The following CSMD1 variants were observed in gnomAD, a reference collection of about 807,000 sequenced individuals.
The protein encoded by CSMD1 is CUB and sushi domain-containing protein 1.
A neutral mutation model predicts 417.5 loss-of-function variants in CSMD1; 213 were observed. That is an observed-to-expected ratio of 0.51 (90% CI 0.46 to 0.57). The LOEUF (loss-of-function observed/expected upper bound fraction) is 0.57, where lower values mean the gene tolerates loss of function less well. Ranked by LOEUF, CSMD1 falls within the 20% of genes least tolerant of loss-of-function variation. The pLI is 0.00. For synonymous variants in CSMD1, 2,862 were observed against 1,736.8 expected (o/e 1.65, Z -16.11); for missense variants, 6,923 against 4,529.7 (o/e 1.53, Z -15.17).
chr8:4,198,165 G>A (rs1227973249), intron 3 of CSMD1, among the ~76,000 whole-genome samples: 2 of 152,194 alleles, frequency 1.3e-5, no homozygotes, highest in Non-Finnish European at 2.9e-5. Context: ...CAGTCCCGAA[G>A]CATGATCAGG....
At chr8:4,696,977 G>A (rs1208891247) in intron 1 of CSMD1, among the ~76,000 whole-genome samples, 1 of 152,064 alleles carries the variant, frequency 6.6e-6, no homozygotes, top group African/African-American at 2.4e-5. Flanking sequence ...TTCAAGACCA[G>A]CCTGACGAAC....
intron 1 of CSMD1, among the ~76,000 whole-genome samples, chr8:4,929,647 C>G (rs1419627268): frequency 6.6e-6 from 1 of 152,172 alleles, no homozygotes; most frequent in African/African-American, 2.4e-5. Flanking sequence ...ATTCAATTAA[C>G]TGACACATCA....
intron 3 of CSMD1, among the ~76,000 whole-genome samples, chr8:4,166,650 A>G (rs1410233907): frequency 1.3e-5 from 2 of 152,166 alleles, no homozygotes; most frequent in South Asian, 2.1e-4. Context: ...CATATTGGGT[A>G]CCGTGTACAC....
rs1797108884 is a variant in CSMD1 at position 4,419,126 on chromosome 8, C to A, written c.415+827G>T. On this transcript the variant is annotated intron_variant, in intron 3 of 69. Coordinates refer to ENST00000635120, the MANE Select transcript of CSMD1 (RefSeq NM_033225.6). ...TTTGTGACTTAGTAGCAAATGACAT[C>A]CCAAGTAAACAGTGTGTGTTGTAAA... is the stretch of plus-strand genomic sequence containing the variant. 1.3e-5 allele frequency among the ~76,000 whole-genome samples: 2 copies of A among 152,224 alleles called. 1 individual carries two copies. Among genetic ancestry groups the A allele is most frequent in the Middle Eastern group, 6.8e-3 (2 of 294 alleles).
chr8:3,273,116 T>G (rs1383501307), intron 26 of CSMD1, among the ~76,000 whole-genome samples: 1 of 151,912 alleles, frequency 6.6e-6, no homozygotes, highest in African/African-American at 2.4e-5. Context: ...ATCAATACCT[T>G]ATTTATTGAG....
In CSMD1 at chr8:4,294,403, A is replaced by G. The variant is rs905008185; in HGVS notation, c.415+125550T>C. On this transcript the variant is annotated intron_variant, in intron 3 of 69. Transcript: ENST00000635120. ...AGATGTCACCGTTCTTTCTGATTGT[A>G]CTTGAATAGCTAATGTTTATCAGAC... 2.0e-5 allele frequency among the ~76,000 whole-genome samples: 3 copies of G among 152,180 alleles called. No homozygotes were observed. In the East Asian group the frequency reaches 5.8e-4, roughly 29 times the overall value.
At chr8:3,142,356 T>C in intron 41 of CSMD1, 109 bp downstream of exon 41, 2 of 962,148 alleles carry the variant, frequency 2.1e-6, no homozygotes, top group Admixed American at 2.3e-5. Context: ...CAAAAAATTA[T>C]TCCACTCGTA....
chr8:3,284,432 C>G (rs1802989319), intron 25 of CSMD1, 86 bp from the exon 26 acceptor site: 3 of 987,332 alleles, frequency 3.0e-6, no homozygotes. Context: ...GCTCATTTCG[C>G]TTTCACACAA....
At chr8:4,049,628 T>G (rs1798319420) in intron 3 of CSMD1, among the ~76,000 whole-genome samples, 2 of 152,136 alleles carry the variant, frequency 1.3e-5, no homozygotes, top group African/African-American at 4.8e-5. Context: ...GCTCTGTAAG[T>G]TGCATAAAAT....
intron 30 of CSMD1, among the ~76,000 whole-genome samples, chr8:3,211,913 G>C (rs1484063177): frequency 1.3e-5 from 2 of 152,336 alleles, no homozygotes; most frequent in African/African-American, 2.4e-5. Flanking sequence ...CTGGTGGCAA[G>C]ACAAGAGGGG....
At chr8:4,714,992 C>A (rs1387839585) in intron 1 of CSMD1, among the ~76,000 whole-genome samples, 2 of 152,290 alleles carry the variant, frequency 1.3e-5, no homozygotes, top group African/African-American at 4.8e-5. Context: ...TTTATGCTCA[C>A]AGATGGCAAT....
chr8:4,812,071 T>G (rs946011423), intron 1 of CSMD1, among the ~76,000 whole-genome samples: 2 of 152,194 alleles, frequency 1.3e-5, no homozygotes, highest in African/African-American at 4.8e-5. Context: ...AACTTTGGCT[T>G]TGACATCATC....
intron 3 of CSMD1, among the ~76,000 whole-genome samples, chr8:4,271,627 C>T (rs1490838185): frequency 6.6e-6 from 1 of 151,358 alleles, no homozygotes; most frequent in Non-Finnish European, 1.5e-5. Context: ...TTTGCAGCAG[C>T]TTTAAAGAAA....
chr8:3,785,961 G>A (rs1157126622), intron 5 of CSMD1, among the ~76,000 whole-genome samples: 1 of 152,194 alleles, frequency 6.6e-6, no homozygotes, highest in African/African-American at 2.4e-5. Context: ...TGGGTTAGAA[G>A]CTCTGCAGTT....
At chr8:3,680,857 A>T (rs1025607233) in intron 7 of CSMD1, among the ~76,000 whole-genome samples, 1 of 152,246 alleles carries the variant, frequency 6.6e-6, no homozygotes, top group Non-Finnish European at 1.5e-5. Context: ...AGTGGGCTTC[A>T]TCCCTGGGAT....
Position 3,488,205 on chromosome 8 carries a change from C to T in CSMD1, c.1448+5418G>A, listed in dbSNP as rs73499684. On this transcript the variant is annotated intron_variant, in intron 11 of 69. Coordinates refer to ENST00000635120, the MANE Select transcript of CSMD1 (RefSeq NM_033225.6). The stretch of plus-strand genomic sequence containing the variant: ...GCAGCCTTGATCTCCTGGGCACAAT[C>T]GACCCTTTCACCTTAGCCTCCTGAG... Among the ~76,000 whole-genome samples, 1,186 of 152,032 alleles carry T rather than the reference C, an allele frequency of 7.8e-3. 17 individuals carry two copies. Among genetic ancestry groups the T allele is most frequent in the African/African-American group, 0.028 (1,140 of 41,442 alleles).
chr8:4,908,095 T>C (rs28620428), intron 1 of CSMD1, among the ~76,000 whole-genome samples: 38,777 of 152,150 alleles, frequency 0.25, 5,528 homozygotes, highest in East Asian at 0.52. Flanking sequence ...GGAAGTCGTC[T>C]ATGTCCTTCA....
At chr8:3,784,887 T>G (rs886840981) in intron 5 of CSMD1, among the ~76,000 whole-genome samples, 2 of 152,222 alleles carry the variant, frequency 1.3e-5, no homozygotes, top group Non-Finnish European at 2.9e-5. Flanking sequence ...TGCTTAAAAT[T>G]GTACTTTACA....
chr8:3,611,073 G>A (rs1584958375), intron 8 of CSMD1, among the ~76,000 whole-genome samples: 1 of 112,600 alleles, frequency 8.9e-6, no homozygotes, highest in African/African-American at 3.5e-5. Flanking sequence ...CACACTCTGC[G>A]AACTGTTGTG....
Sources: gnomAD v4.1 joint callset for allele counts (sites outside exome capture counted in the v4.1 genomes callset) on GRCh38, gnomAD v4.1.1 for gene constraint, MANE v1.5 for transcripts, NCBI Gene and HGNC (gene_info 2026-07-23, HGNC 2026-07-21) for gene names.